Variants in ZCCHC4 observed in about 807,000 individuals in gnomAD.
The protein encoded by ZCCHC4 is zinc finger CCHC-type containing 4, also known as rRNA N(6)-adenosine-methyltransferase ZCCHC4.
A neutral mutation model predicts 67.7 loss-of-function variants in ZCCHC4; 54 were observed. The ratio of observed to expected loss-of-function variants is 0.80; its 90% confidence interval spans 0.64 to 1.00. The LOEUF (loss-of-function observed/expected upper bound fraction) is 1.00. Among genes scored for constraint, ZCCHC4 ranks in the 50% least tolerant of loss-of-function variants. The probability of loss-of-function intolerance (pLI) is 0.00; values close to 1 mark genes in which losing one functional copy is unlikely to be tolerated. For missense variants in ZCCHC4, 609 were observed against 617.0 expected, an observed-to-expected ratio of 0.99 and a Z score of 0.14; for synonymous variants, 198 against 213.5, an observed-to-expected ratio of 0.93 and a Z score of 0.63.
rs1480285410 is a variant in ZCCHC4, at chr4:25,370,112, A to C, written c.*948A>C. 1.3e-5 allele frequency: 2 copies of C among 152,182 alleles called. No homozygotes were observed. Among genetic ancestry groups the C allele is most frequent in the Non-Finnish European group, 1.5e-5 (1 of 68,028 alleles). The allele number at this position is 152,182 out of a possible 1,614,324, so 9.4% of individuals were successfully genotyped here. ...CTTGTTGAATGAGTGAGATGTTTAG[A>C]ACTACGACTTGCTCTGTCATTCCAG... is the stretch of plus-strand genomic sequence containing the variant. On this transcript the variant is annotated 3_prime_UTR_variant, in exon 13 of 13. Coordinates refer to ENST00000302874, the MANE Select transcript of ZCCHC4 (RefSeq NM_024936.3).
intron 5 of ZCCHC4, among the ~76,000 whole-genome samples, chr4:25,337,392 G>T (rs1719510439): frequency 6.6e-6 from 1 of 152,110 alleles, no homozygotes; most frequent in Admixed American, 6.5e-5. Context: ...CCTTCCTACT[G>T]CCAGGGACGT....
At chr4:25,332,297 CAAAAA>C (rs35606314) in intron 3 of ZCCHC4, among the ~76,000 whole-genome samples, 1 of 94,062 alleles carries the variant, frequency 1.1e-5, no homozygotes. Flanking sequence ...GACTCCATCT[CAAAAA>C]AAAAAAAAAA....
At chr4:25,365,374 G>C in intron 12 of ZCCHC4, 1 of 1,351,500 alleles carries the variant, frequency 7.4e-7, no homozygotes, top group Non-Finnish European at 9.5e-7. Context: ...CTACAGCTTA[G>C]AGATGAAAAT....
intron 8 of ZCCHC4, among the ~76,000 whole-genome samples, chr4:25,360,261 G>T (rs1275694735): frequency 6.6e-6 from 1 of 152,220 alleles, no homozygotes; most frequent in African/African-American, 2.4e-5. Context: ...AATTAAGATG[G>T]TGCGGCTGAG....
intron 6 of ZCCHC4, among the ~76,000 whole-genome samples, chr4:25,346,409 T>C (rs76209871): frequency 0.017 from 2,580 of 152,252 alleles, 37 homozygotes; most frequent in South Asian, 0.041. Flanking sequence ...CCAAAAATAT[T>C]GTGAAATTAT....
At chr4:25,340,844 G>A (rs1719723032) in intron 5 of ZCCHC4, among the ~76,000 whole-genome samples, 1 of 152,096 alleles carries the variant, frequency 6.6e-6, no homozygotes. Flanking sequence ...GTTAACCATT[G>A]AATAACATGG....
intron 4 of ZCCHC4, 130 bp downstream of exon 4, chr4:25,333,588 A>G (rs2109065040): frequency 9.5e-7 from 1 of 1,047,882 alleles, no homozygotes. Flanking sequence ...TGTAAAGCAC[A>G]GTCCCTCTCT....
chr4:25,341,938 C>T (rs150288267), intron 5 of ZCCHC4, among the ~76,000 whole-genome samples: 6 of 152,210 alleles, frequency 3.9e-5, no homozygotes, highest in African/African-American at 1.4e-4. Flanking sequence ...TTGTAATATC[C>T]TGGTCAGAGT....
chr4:25,316,672 G>A (rs1718281036), intron 3 of ZCCHC4, among the ~76,000 whole-genome samples: 1 of 152,042 alleles, frequency 6.6e-6, no homozygotes, highest in Non-Finnish European at 1.5e-5. Flanking sequence ...TTATCTTTTT[G>A]TTGTTGAGTC....
intron 3 of ZCCHC4, among the ~76,000 whole-genome samples, chr4:25,316,607 A>G (rs1718276119): frequency 6.8e-6 from 1 of 148,006 alleles, no homozygotes; most frequent in African/African-American, 2.5e-5. Flanking sequence ...CTTACTGGCT[A>G]TTTATGTATG....
At chr4:25,330,892 C>A (rs1400377853) in intron 3 of ZCCHC4, among the ~76,000 whole-genome samples, 1 of 152,146 alleles carries the variant, frequency 6.6e-6, no homozygotes, top group African/African-American at 2.4e-5. Context: ...TGTGCACATG[C>A]TGCTCAGTAC....
chr4:25,324,366 T>C (rs4499690), intron 3 of ZCCHC4, among the ~76,000 whole-genome samples: 8,757 of 152,166 alleles, frequency 0.058, 295 homozygotes, highest in South Asian at 0.096. Flanking sequence ...AGCATAAATA[T>C]TTTTGATATT....
At chr4:25,323,005 A>G (rs1310055324) in intron 3 of ZCCHC4, among the ~76,000 whole-genome samples, 1 of 152,218 alleles carries the variant, frequency 6.6e-6, no homozygotes, top group Non-Finnish European at 1.5e-5. Context: ...CTTAAGGCTA[A>G]TTCTTTGCAT....
At chr4:25,330,954 T>G (rs1202068227) in intron 3 of ZCCHC4, among the ~76,000 whole-genome samples, 5 of 152,160 alleles carry the variant, frequency 3.3e-5, no homozygotes, top group African/African-American at 1.2e-4. Context: ...GTTTTTTCTC[T>G]CTCTCTCAGT....
At chr4:25,347,541 T>C (rs1720082115) in intron 6 of ZCCHC4, among the ~76,000 whole-genome samples, 1 of 152,202 alleles carries the variant, frequency 6.6e-6, no homozygotes. Context: ...AGAAACCCAT[T>C]GTTTTAATGA....
intron 3 of ZCCHC4, among the ~76,000 whole-genome samples, chr4:25,328,780 G>A (rs1719025149): frequency 6.6e-6 from 1 of 151,608 alleles, no homozygotes; most frequent in Non-Finnish European, 1.5e-5. Flanking sequence ...ACAGGGTCTT[G>A]CCATGTTTCC....
chr4:25,364,054 A>G (rs1425647912), intron 10 of ZCCHC4, among the ~76,000 whole-genome samples: 2 of 152,246 alleles, frequency 1.3e-5, no homozygotes, highest in Admixed American at 1.3e-4. Context: ...CCTGTAATCT[A>G]TCTTTCTAAA....
intron 3 of ZCCHC4, among the ~76,000 whole-genome samples, chr4:25,325,265 A>G (rs1718816846): frequency 6.8e-6 from 1 of 146,332 alleles, no homozygotes; most frequent in African/African-American, 2.5e-5. Context: ...AAAAAAAAAG[A>G]AATATTTTCT....
chr4:25,321,669 G>A (rs1718592859), intron 3 of ZCCHC4, among the ~76,000 whole-genome samples: 1 of 152,014 alleles, frequency 6.6e-6, no homozygotes, highest in African/African-American at 2.4e-5. Flanking sequence ...CACGGCGCCT[G>A]GCTGGCTAGT....
Sources: gnomAD v4.1 joint callset for allele counts (sites outside exome capture counted in the v4.1 genomes callset) on GRCh38, gnomAD v4.1.1 for gene constraint, MANE v1.5 for transcripts, NCBI Gene and HGNC (gene_info 2026-07-23, HGNC 2026-07-21) for gene names.